Variants in TRAPPC8 observed in about 807,000 individuals in gnomAD.
The protein encoded by TRAPPC8 is general sporulation gene 1 homolog.
TRAPPC8 carries 54 observed loss-of-function variants against 174.3 expected under a neutral mutation model. The observed-to-expected ratio is 0.31, with a 90% CI of 0.25 to 0.39. TRAPPC8 has a LOEUF of 0.39. TRAPPC8 is among the 10% of genes least tolerant of loss of function. The probability of loss-of-function intolerance (pLI) is 1.00; values close to 1 mark genes in which losing one functional copy is unlikely to be tolerated. For synonymous variants in TRAPPC8, 630 were observed against 579.9 expected, an observed-to-expected ratio of 1.09 and a Z score of -1.24; for missense variants, 1,531 against 1,699.1, an observed-to-expected ratio of 0.90 and a Z score of 1.74.
chr18:31,914,216 T>C (rs916510390), intron 4 of TRAPPC8, among the ~76,000 whole-genome samples: 1 of 139,924 alleles, frequency 7.1e-6, no homozygotes, highest in Non-Finnish European at 1.5e-5. Context: ...TAAATACTAA[T>C]ACTATGTAAG....
At chr18:31,832,039 A>T in intron 28 of TRAPPC8, 45 bp downstream of exon 28, 1 of 1,279,850 alleles carries the variant, frequency 7.8e-7, no homozygotes, top group Non-Finnish European at 1.1e-6. Flanking sequence ...TCAAAATATT[A>T]AATTGCTCCC....
intron 12 of TRAPPC8, among the ~76,000 whole-genome samples, chr18:31,887,147 C>A (rs1207856545): frequency 1.3e-5 from 2 of 152,170 alleles, no homozygotes; most frequent in Admixed American, 6.5e-5. Context: ...AGCTTATCCA[C>A]CACAATCAAG....
In TRAPPC8 at chr18:31,890,722, C is replaced by A. The variant is rs753312974; in HGVS notation, c.1728+13G>T. 7.5e-6 allele frequency: 12 copies of A among 1,598,988 alleles called. No individual in the cohort carries two copies. In the South Asian group the frequency reaches 1.1e-4, roughly 15 times the overall value. On this transcript the variant is annotated intron_variant, in intron 12 of 28. Transcript: ENST00000283351. ...TAAATAGCAACTTTTCATTGTAAAG[C>A]AAATGCACTCACCTGCCCTGCTTTA...
intron 11 of TRAPPC8, chr18:31,896,521 G>A (rs996658099): frequency 6.6e-6 from 1 of 151,106 alleles, no homozygotes; most frequent in African/African-American, 2.4e-5. Context: ...GGGCTAGTTA[G>A]TGATAACATA....
At position 31,836,792 on chromosome 18, in the gene TRAPPC8, C is replaced by T. The variant is rs566824165; in HGVS notation, c.3983+2520G>A. On this transcript the variant is annotated intron_variant, in intron 27 of 28. Transcript: ENST00000283351. Reference sequence around the variant, plus strand: ...TTTTTTTTTTTTTGAGACAGAGTCTCGCTCTGTCGCCCAGGCTGGACTGCA... The same window carrying T: ...TTTTTTTTTTTTTGAGACAGAGTCTTGCTCTGTCGCCCAGGCTGGACTGCA... Among the ~76,000 whole-genome samples, 9 of 139,928 alleles carry T rather than the reference C, an allele frequency of 6.4e-5. No individual in the cohort carries two copies. The South Asian group carries it at 1.2e-3, about 18-fold the overall frequency. The allele number at this position is 139,928 out of a possible 152,430, so 91.8% of individuals were successfully genotyped here. A position where few individuals can be genotyped will look rare whatever the true frequency, so the allele number is the denominator to read the frequency against.
At position 31,870,936 on chromosome 18, in the gene TRAPPC8, T is replaced by C. The variant is rs115242237; in HGVS notation, c.2247A>G (p.Ala749=). The C allele has an allele frequency of 3.9e-5, 61 of 1,567,372 alleles. No homozygotes were observed. Among genetic ancestry groups the C allele is most frequent in the East Asian group, 1.8e-4 (8 of 43,760 alleles). Reference sequence around the variant, plus strand: ...ATTCAAGTATATCACCTTCTACAACTGCAAGTGGAAATCTTGAATTATCTG... The same window carrying C: ...ATTCAAGTATATCACCTTCTACAACCGCAAGTGGAAATCTTGAATTATCTG... ...SYSDNSRFPL[A]VVEEPITVEV... Residue 749 remains alanine, a synonymous_variant, in exon 15 of 29, where the codon GCA becomes GCG. Transcript: ENST00000283351.
chr18:31,942,922 G>T lies in TRAPPC8; in HGVS notation c.-158C>A. The T allele has an allele frequency of 8.1e-7, 1 of 1,234,504 alleles. No homozygotes were observed. Among genetic ancestry groups the T allele is most frequent in the Middle Eastern group, 3.1e-4 (1 of 3,214 alleles). 76.5% of individuals were successfully genotyped at this position (1,234,504 alleles called of 1,614,324 possible). ...GAAACAAGAAGGAACAGACGCCGCC[G>T]CTTCGGTTTCTGGGGCACAATCCAC... On this transcript the variant is annotated 5_prime_UTR_variant, in exon 1 of 29. Transcript: ENST00000283351.
intron 27 of TRAPPC8, among the ~76,000 whole-genome samples, chr18:31,838,607 A>T (rs1374791810): frequency 2.0e-5 from 3 of 152,170 alleles, no homozygotes; most frequent in African/African-American, 4.8e-5. Context: ...CTATGATGTC[A>T]TGCTATTCTA....
intron 12 of TRAPPC8, among the ~76,000 whole-genome samples, chr18:31,885,601 G>A (rs2035668271): frequency 6.6e-6 from 1 of 151,964 alleles, no homozygotes; most frequent in Non-Finnish European, 1.5e-5. Context: ...GCTCACTCCT[G>A]TAATCCCAGC....
In TRAPPC8 at chr18:31,873,474, G is replaced by C. The variant is rs2034990057; in HGVS notation, c.2018C>G (p.Ser673Ter). ...ATGGCCAAAAAAAACCCGTGTTGCT[G>C]AACTGTTAATATACGGTAAAGGAAG... ...PQLPLPYINS[S>*]ATRVFFGHDR... Residue 673 changes from serine to a stop codon, truncating the protein, a stop_gained, in exon 14 of 29, where the codon TCA becomes TGA. Transcript: ENST00000283351. LOFTEE classifies it high-confidence loss of function. The C allele has an allele frequency of 6.2e-7, 1 of 1,613,630 alleles. No individual in the cohort carries two copies. Among genetic ancestry groups the C allele is most frequent in the African/African-American group, 1.3e-5 (1 of 74,872 alleles).
intron 1 of TRAPPC8, among the ~76,000 whole-genome samples, chr18:31,941,853 TCTC>T: frequency 6.6e-6 from 1 of 152,292 alleles, no homozygotes; most frequent in East Asian, 1.9e-4. Context: ...CACATTATTT[TCTC>T]CTAATAAAAA....
Position 31,897,891 on chromosome 18 carries a change from C to A in TRAPPC8, c.1491G>T (p.Lys497Asn). 6.2e-7 allele frequency: 1 copy of A among 1,608,220 alleles called. No individual in the cohort carries two copies. Among genetic ancestry groups the A allele is most frequent in the Non-Finnish European group, 8.5e-7 (1 of 1,177,116 alleles). ...CACATCTTTCAGCCAACACCATATTCCTATAGAAAAAAGGACAAGAAGATA... is the reference window on the plus strand; with the variant it reads ...CACATCTTTCAGCCAACACCATATTACTATAGAAAAAAGGACAAGAAGATA... ...TAIQTYRDIC[K>N]NMVLAERCVL... is the part of the protein sequence containing the mutation. Residue 497 changes from lysine (K) to asparagine (N), a missense_variant and splice_region_variant, in exon 11 of 29, where the codon AAG becomes AAT. By Grantham distance (94) the Lys-to-Asn change is moderately conservative. Coordinates refer to ENST00000283351, the MANE Select transcript of TRAPPC8 (RefSeq NM_014939.5).
Position 31,942,944 on chromosome 18 carries a change from C to A in TRAPPC8, c.-180G>T. 1.7e-6 allele frequency: 2 copies of A among 1,184,990 alleles called. No homozygotes were observed. The highest frequency in any genetic ancestry group is 2.1e-6 in the Non-Finnish European group (2 of 942,970). 73.4% of individuals were successfully genotyped at this position (1,184,990 alleles called of 1,614,324 possible). A position where few individuals can be genotyped will look rare whatever the true frequency, so the allele number is the denominator to read the frequency against. The stretch of plus-strand genomic sequence containing the variant: ...GCCGCTTCGGTTTCTGGGGCACAAT[C>A]CACTGACCCCCCCCTTCCCGTCACC... On this transcript the variant is annotated 5_prime_UTR_variant, in exon 1 of 29. Transcript: ENST00000283351.
At chr18:31,858,662 A>G (rs1291177590) in intron 19 of TRAPPC8, among the ~76,000 whole-genome samples, 1 of 152,378 alleles carries the variant, frequency 6.6e-6, no homozygotes, top group East Asian at 1.9e-4. Context: ...CACTTCTAAA[A>G]AAAATTTTTA....
At chr18:31,900,600 T>C (rs1293536769) in intron 10 of TRAPPC8, among the ~76,000 whole-genome samples, 2 of 152,220 alleles carry the variant, frequency 1.3e-5, no homozygotes, top group African/African-American at 4.8e-5. Flanking sequence ...ATTGTTTAAC[T>C]ATTTGTGTTT....
rs34167680 is a variant in TRAPPC8 at position 31,855,815 on chromosome 18, T to TAAAA, written c.3189-12_3189-9dup. 3.4e-5 allele frequency: 51 copies of TAAAA among 1,495,550 alleles called. No homozygotes were observed. The African/African-American group carries it at 6.0e-4, about 18-fold the overall frequency. The allele number at this position is 1,495,550 out of a possible 1,614,324, so 92.6% of individuals were successfully genotyped here. A position where few individuals can be genotyped will look rare whatever the true frequency, so the allele number is the denominator to read the frequency against. On this transcript the variant is annotated splice_polypyrimidine_tract_variant and intron_variant, in intron 20 of 28. Coordinates refer to ENST00000283351, the MANE Select transcript of TRAPPC8 (RefSeq NM_014939.5). ...TGTCTTAATATTCTGTGCCTGAAGT[T>TAAAA]AAAAAAAAAAAAAAAAGCACATTTA...
At position 31,941,905 on chromosome 18, in the gene TRAPPC8, ACATT is replaced by A. The variant is rs2038361243; in HGVS notation, c.157+699_157+702del. ...AGAAAACGGGTAGCTTCTTAACAAG[ACATT>A]CATTAACAAGAGAAGACATTTCCAT... On this transcript the variant is annotated intron_variant, in intron 1 of 28. Coordinates refer to ENST00000283351, the MANE Select transcript of TRAPPC8 (RefSeq NM_014939.5). Among the ~76,000 whole-genome samples the A allele has an allele frequency of 3.3e-5, 5 of 152,242 alleles. No individual in the cohort carries two copies. In the South Asian group the frequency reaches 6.2e-4, roughly 19 times the overall value.
At chr18:31,861,705 G>C (rs2034329496) in intron 19 of TRAPPC8, among the ~76,000 whole-genome samples, 1 of 152,076 alleles carries the variant, frequency 6.6e-6, no homozygotes, top group Non-Finnish European at 1.5e-5. Flanking sequence ...GGGAAGCAGA[G>C]GTGGGTGGAC....
Position 31,909,717 on chromosome 18 carries a change from T to C in TRAPPC8, c.815A>G (p.Asn272Ser). 6.2e-7 allele frequency: 1 copy of C among 1,602,322 alleles called. No homozygotes were observed. The highest frequency in any genetic ancestry group is 8.5e-7 in the Non-Finnish European group (1 of 1,176,854). The change falls in exon 6 of 29, where the codon AAT (asparagine) becomes AGT (serine). Residue 272 changes from asparagine to serine, a missense_variant. By Grantham distance (46) the Asn-to-Ser change is conservative. Coordinates refer to ENST00000283351, the MANE Select transcript of TRAPPC8 (RefSeq NM_014939.5). ...DGPCTITSNK[N>S]SDNNLLSLDG... is the part of the protein sequence containing the mutation. ...CAATGAAAGCAAGTTATTATCAGAA[T>C]TCTTATTTGAAGTTATAGTACAAGG...
Sources: allele counts gnomAD v4.1 joint callset (sites outside exome capture counted in the v4.1 genomes callset), GRCh38; gene constraint gnomAD v4.1.1; transcripts MANE v1.5; gene names NCBI Gene and HGNC (gene_info 2026-07-23, HGNC 2026-07-21).